Variants in ATP5PB observed in about 807,000 individuals in gnomAD.
The protein encoded by ATP5PB is ATP synthase peripheral stalk-membrane subunit b.
ATP5PB carries 21 observed loss-of-function variants against 34.5 expected under a neutral mutation model. The ratio of observed to expected loss-of-function variants is 0.61; its 90% CI spans 0.43 to 0.88. The LOEUF (loss-of-function observed/expected upper bound fraction) is 0.88. Ranked by LOEUF, ATP5PB falls within the 40% of genes least tolerant of loss-of-function variation. The pLI is 0.00. For synonymous variants in ATP5PB, 108 were observed against 114.1 expected (o/e 0.95, Z 0.34); for missense variants, 293 against 317.4 (o/e 0.92, Z 0.58).
chr1:111,450,001 C>T, intron 2 of ATP5PB, 128 bp downstream of exon 2: 2 of 1,187,522 alleles, frequency 1.7e-6, no homozygotes, highest in South Asian at 1.3e-5. Context: ...CTTAAACCCT[C>T]TTTCAGACAA....
chr1:111,456,869 GAGA>G (rs1653488751), intron 5 of ATP5PB, 114 bp downstream of exon 5: 26 of 1,309,644 alleles, frequency 2.0e-5, no homozygotes, highest in Admixed American at 2.9e-5. Context: ...ATTTAGAAAA[GAGA>G]AGATTTGTGT....
chr1:111,459,214 C>A (rs1225262720), intron 5 of ATP5PB, among the ~76,000 whole-genome samples: 1 of 152,054 alleles, frequency 6.6e-6, no homozygotes, highest in African/African-American at 2.4e-5. Context: ...GGAGGGAATA[C>A]AAGAAATACA....
chr1:111,451,849 G>A lies in ATP5PB; in HGVS notation c.77+1976G>A, dbSNP rs139212471. Among the ~76,000 whole-genome samples the A allele has an allele frequency of 3.8e-3, 583 of 152,312 alleles. 4 individuals are homozygous for A. The highest frequency in any genetic ancestry group is 0.013 in the African/African-American group (550 of 41,560). On this transcript the variant is annotated intron_variant, in intron 2 of 6. Transcript: ENST00000369722. The stretch of plus-strand genomic sequence containing the variant: ...AAATTTGGCAGGACCAGGCACAGTG[G>A]TGGTTCATGCCTATAATCCCGAGGC...
At chr1:111,457,491 A>C (rs1653509275) in intron 5 of ATP5PB, among the ~76,000 whole-genome samples, 1 of 152,174 alleles carries the variant, frequency 6.6e-6, no homozygotes, top group South Asian at 2.1e-4. Flanking sequence ...TTTATGGCTA[A>C]TATTTAAAAG....
At chr1:111,450,991 C>A (rs2101753923) in intron 2 of ATP5PB, among the ~76,000 whole-genome samples, 1 of 152,330 alleles carries the variant, frequency 6.6e-6, no homozygotes, top group South Asian at 2.1e-4. Context: ...GCTGCTTCCA[C>A]TACCGCTAAA....
chr1:111,449,517 A>T lies in ATP5PB; in HGVS notation c.-25A>T. On this transcript the variant is annotated 5_prime_UTR_variant, in exon 1 of 7. Transcript: ENST00000369722. ...CTATCGGGGTCACAGGGACGCTAAG[A>T]TTGCTACCTGGACTTTCGTTGACCA... 1 of 1,614,110 alleles carries T rather than the reference A, an allele frequency of 6.2e-7. No homozygotes were observed. Among genetic ancestry groups the T allele is most frequent in the Non-Finnish European group, 8.5e-7 (1 of 1,180,000 alleles).
Position 111,449,599 on chromosome 1 carries a change from T to C in ATP5PB, c.40+18T>C. On this transcript the variant is annotated intron_variant, in intron 1 of 6. Coordinates refer to ENST00000369722, the MANE Select transcript of ATP5PB (RefSeq NM_001688.5). ...CACAGCGGGTAAGGGGTATAGACCCTGCTCTGGACTATCAGAGTGATTGGA... is the reference window on the plus strand; with the variant it reads ...CACAGCGGGTAAGGGGTATAGACCCCGCTCTGGACTATCAGAGTGATTGGA... 6.3e-7 allele frequency: 1 copy of C among 1,587,818 alleles called. No individual in the cohort carries two copies. The highest frequency in any genetic ancestry group is 8.6e-7 in the Non-Finnish European group (1 of 1,166,436).
chr1:111,449,532 T>G lies in ATP5PB; in HGVS notation c.-10T>G. The stretch of plus-strand genomic sequence containing the variant: ...GGACGCTAAGATTGCTACCTGGACT[T>G]TCGTTGACCATGCTGTCCCGGGTGG... On this transcript the variant is annotated 5_prime_UTR_variant, in exon 1 of 7. Transcript: ENST00000369722. The G allele has an allele frequency of 1.9e-6, 3 of 1,614,006 alleles. No individual in the cohort carries two copies. The highest frequency in any genetic ancestry group is 2.5e-6 in the Non-Finnish European group (3 of 1,179,932).
rs376770527 is a variant in ATP5PB at position 111,456,153 on chromosome 1, A to C, written c.291A>C (p.Ala97=). The change falls in exon 4 of 7, where the codon GCA becomes GCC. Residue 97 remains alanine (A), a synonymous_variant. Coordinates refer to ENST00000369722, the MANE Select transcript of ATP5PB (RefSeq NM_001688.5). ...ALSKEIYVIS[A]ETFTALSVLG... Reference sequence around the variant, plus strand: ...CCAAAGAAATATATGTGATTAGCGCAGAGACCTTCACTGCCCTATCAGTAC... The same window carrying C: ...CCAAAGAAATATATGTGATTAGCGCCGAGACCTTCACTGCCCTATCAGTAC... The C allele has an allele frequency of 6.2e-7, 1 of 1,613,002 alleles. No individual in the cohort carries two copies. The highest frequency in any genetic ancestry group is 1.3e-5 in the African/African-American group (1 of 74,892).
chr1:111,450,955 T>C (rs975867165), intron 2 of ATP5PB, among the ~76,000 whole-genome samples: 3 of 152,218 alleles, frequency 2.0e-5, no homozygotes, highest in Admixed American at 1.3e-4. Context: ...AGCAAGGCTC[T>C]TCCTCTAGAA....
At chr1:111,460,452 T>TTTTTTATTTTTTATTTATTTTTA (rs1653588102) in intron 6 of ATP5PB, among the ~76,000 whole-genome samples, 1 of 149,930 alleles carries the variant, frequency 6.7e-6, no homozygotes, top group Non-Finnish European at 1.5e-5. Flanking sequence ...TTTTTTTTTT[T>TTTTTTATTTTTTATTTATTTTTA]GATAAACTTT....
chr1:111,454,115 C>G (rs752851396), intron 2 of ATP5PB, 96 bp from the exon 3 acceptor site: 29 of 1,308,344 alleles, frequency 2.2e-5, no homozygotes, highest in Admixed American at 8.9e-5. Flanking sequence ...AAAACTGCCT[C>G]AATTATCAAC....
intron 2 of ATP5PB, among the ~76,000 whole-genome samples, chr1:111,451,628 T>A (rs1047356552): frequency 4.6e-5 from 7 of 152,166 alleles, no homozygotes; most frequent in African/African-American, 1.4e-4. Flanking sequence ...GCTTTACAAA[T>A]CTGGAGGCTA....
chr1:111,460,436 G>GTTT (rs532728250), intron 6 of ATP5PB, among the ~76,000 whole-genome samples: 10 of 125,844 alleles, frequency 7.9e-5, no homozygotes, highest in Non-Finnish European at 1.6e-4. Context: ...GTCTATCAAA[G>GTTT]TTTTTTTTTT....
intron 6 of ATP5PB, 61 bp downstream of exon 6, chr1:111,459,697 A>G (rs1653566124): frequency 6.6e-7 from 1 of 1,523,770 alleles, no homozygotes; most frequent in Non-Finnish European, 8.9e-7. Flanking sequence ...GTATCTGCTG[A>G]TGTTTTGTTA....
At chr1:111,453,578 A>G (rs1328182421) in intron 2 of ATP5PB, among the ~76,000 whole-genome samples, 1 of 152,198 alleles carries the variant, frequency 6.6e-6, no homozygotes, top group Non-Finnish European at 1.5e-5. Context: ...AAAGATGAAC[A>G]TAATTAGAGC....
At position 111,454,274 on chromosome 1, in the gene ATP5PB, TC is replaced by T; in HGVS notation, c.143del (p.Pro48LeufsTer11). ...CACACCTTGTCCCTGTACCACCTCTTCCTGAATACGGAGGAAAAGTTCGTTA... is the reference window on the plus strand; with the variant it reads ...CACACCTTGTCCCTGTACCACCTCTTCTGAATACGGAGGAAAAGTTCGTTA... ...QPHLVPVPPL[P>X]EYGGKVRYGL... On this transcript the variant is annotated frameshift_variant, in exon 3 of 7. Coordinates refer to ENST00000369722, the MANE Select transcript of ATP5PB (RefSeq NM_001688.5). LOFTEE classifies it high-confidence loss of function. The T allele has an allele frequency of 6.2e-7, 1 of 1,613,538 alleles. No individual in the cohort carries two copies. The highest frequency in any genetic ancestry group is 8.5e-7 in the Non-Finnish European group (1 of 1,179,842).
Position 111,461,102 on chromosome 1 carries a change from C to T in ATP5PB, c.*108C>T, listed in dbSNP as rs904383775. 112 of 1,021,086 alleles carry T rather than the reference C, an allele frequency of 1.1e-4. 1 individual carries two copies. Among genetic ancestry groups the T allele is most frequent in the Admixed American group, 4.9e-5 (2 of 41,044 alleles). 63.3% of individuals were successfully genotyped at this position (1,021,086 alleles called of 1,614,324 possible). A position where few individuals can be genotyped will look rare whatever the true frequency, so the allele number is the denominator to read the frequency against. ...TGGTGTCTACTGAAGTTATAGTTTA[C>T]CCTTCCTAAAAATGAAAAGTTTGTT... On this transcript the variant is annotated 3_prime_UTR_variant, in exon 7 of 7. Coordinates refer to ENST00000369722, the MANE Select transcript of ATP5PB (RefSeq NM_001688.5).
intron 4 of ATP5PB, 97 bp from the exon 5 acceptor site, chr1:111,456,533 C>T (rs371254082): frequency 1.7e-5 from 25 of 1,441,454 alleles, no homozygotes; most frequent in Middle Eastern, 2.6e-4. Flanking sequence ...GGTGTTTTTA[C>T]AAATGAGATA....
Sources: allele counts gnomAD v4.1 joint callset (sites outside exome capture counted in the v4.1 genomes callset), GRCh38; gene constraint gnomAD v4.1.1; transcripts MANE v1.5; gene names NCBI Gene and HGNC (gene_info 2026-07-23, HGNC 2026-07-21).